IGLON5: variants seen among roughly 807,000 people sequenced by gnomAD.
IGLON5 encodes the protein IgLON family member 5, also known as Ig-like domain-containing protein ENSP00000270642.
IGLON5 carries 16 observed loss-of-function variants against 38.2 expected under a neutral mutation model. That is an observed-to-expected ratio of 0.42 (90% CI 0.28 to 0.64). The LOEUF (loss-of-function observed/expected upper bound fraction) is 0.64, where lower values mean the gene tolerates loss of function less well. Ranked by LOEUF, IGLON5 falls within the 30% of genes least tolerant of loss-of-function variation. IGLON5 has a pLI of 0.23. For synonymous variants in IGLON5, 207 were observed against 216.4 expected, an observed-to-expected ratio of 0.96 and a Z score of 0.38; for missense variants, 366 against 483.4, an observed-to-expected ratio of 0.76 and a Z score of 2.28.
chr19:51,314,158 A>C (rs1259469382), intron 1 of IGLON5, among the ~76,000 whole-genome samples: 6 of 139,764 alleles, frequency 4.3e-5, no homozygotes, highest in African/African-American at 1.1e-4. Context: ...TCTCTCTCTC[A>C]CTGCAACTTC....
At position 51,324,354 on chromosome 19, in the gene IGLON5, G is replaced by A. The variant is rs1245364830; in HGVS notation, c.391+460G>A. Among the ~76,000 whole-genome samples the A allele has an allele frequency of 2.0e-5, 3 of 152,214 alleles. No individual in the cohort carries two copies. The highest frequency in any genetic ancestry group is 7.2e-5 in the African/African-American group (3 of 41,452). On this transcript the variant is annotated intron_variant, in intron 3 of 7. Transcript: ENST00000270642. The surrounding 1 kb of genome is among the most constrained non-coding windows in gnomAD (Gnocchi z 4.2). ...TGTGCAGGGCCAGGCAAGAAGATGA[G>A]CCAAGTGTGCAAAGGGAAGTCTCAT...
In IGLON5 at chr19:51,323,821, C is replaced by T. The variant is rs368185748; in HGVS notation, c.318C>T (p.Asp106=). 1.4e-4 allele frequency: 226 copies of T among 1,613,726 alleles called. No homozygotes were observed. In the Middle Eastern group the frequency reaches 1.6e-3, roughly 12 times the overall value. The change falls in exon 3 of 8, where the codon GAC becomes GAT. Residue 106 remains aspartate, a synonymous_variant. Transcript: ENST00000270642. ...SILITEVGLG[D]EGLYTCSFQT... ...TCATCACCGAGGTGGGGCTCGGCGA[C>T]GAGGGCCTCTACACCTGCTCCTTCC...
Position 51,323,681 on chromosome 19 carries a change from G to A in IGLON5, c.178G>A (p.Val60Met), listed in dbSNP as rs1225797438. 7 of 1,610,976 alleles carry A rather than the reference G, an allele frequency of 4.3e-6. No homozygotes were observed. Among genetic ancestry groups the A allele is most frequent in the East Asian group, 2.2e-5 (1 of 44,780 alleles). Residue 60 changes from valine (V) to methionine (M), a missense_variant, in exon 3 of 8, where the codon GTG (valine) becomes ATG (methionine). Coordinates refer to ENST00000270642, the MANE Select transcript of IGLON5 (RefSeq NM_001101372.3). ...CTGCAGCTGCTTCATCGACGAGCAC[G>A]TGACCCGCGTGGCCTGGCTGAACCG... Reference protein sequence around the residue: ...ATLSCFIDEHVTRVAWLNRSN... With the variant: ...ATLSCFIDEHMTRVAWLNRSN...
At chr19:51,316,198 A>T (rs1305444147) in intron 1 of IGLON5, among the ~76,000 whole-genome samples, 2 of 134,934 alleles carry the variant, frequency 1.5e-5, no homozygotes, top group Non-Finnish European at 3.2e-5. Flanking sequence ...AAAAAAAAAA[A>T]GCCAGGCATG....
At chr19:51,328,129 C>T (rs1466883884) in intron 7 of IGLON5, among the ~76,000 whole-genome samples, 2 of 152,312 alleles carry the variant, frequency 1.3e-5, no homozygotes, top group African/African-American at 4.8e-5. Flanking sequence ...ATTCGCAGAG[C>T]TTATAGTCTA....
intron 4 of IGLON5, 30 bp from the exon 5 acceptor site, chr19:51,326,734 C>T (rs1985224821): frequency 3.9e-6 from 6 of 1,526,512 alleles, no homozygotes; most frequent in Middle Eastern, 2.3e-4. Flanking sequence ...TGTGTCCGGC[C>T]CCGCCCCCTC....
In IGLON5 at chr19:51,319,264, C is replaced by T. The variant is rs1308478767; in HGVS notation, c.80-2800C>T. 5.9e-5 allele frequency among the ~76,000 whole-genome samples: 9 copies of T among 151,822 alleles called. No homozygotes were observed. The South Asian group carries it at 1.9e-3, about 32-fold the overall frequency. ...ATGTGGCACTACCCGTCGTTCGGTCCAGGTTTTTGTTGGTGACTTTCCAAT... is the reference window on the plus strand; with the variant it reads ...ATGTGGCACTACCCGTCGTTCGGTCTAGGTTTTTGTTGGTGACTTTCCAAT... On this transcript the variant is annotated intron_variant, in intron 1 of 7. Transcript: ENST00000270642.
Position 51,327,803 on chromosome 19 carries a change from A to T in IGLON5, c.839A>T (p.Asn280Ile). 1.3e-6 allele frequency: 2 copies of T among 1,564,720 alleles called. No homozygotes were observed. The highest frequency in any genetic ancestry group is 2.4e-5 in the South Asian group (2 of 84,934). The change falls in exon 7 of 8, where the codon AAC becomes ATC. Residue 280 changes from asparagine to isoleucine, a missense_variant. By Grantham distance (149) the Asn-to-Ile change is moderately radical (BLOSUM62 -3). Transcript: ENST00000270642. This position sits in a 1 kb window ranked among gnomAD's most constrained non-coding sequence, Gnocchi z 7.1. Reference protein sequence around the residue: ...ERTRSMLLFANVSARHYGNYT... With the variant: ...ERTRSMLLFAIVSARHYGNYT... ...ACCCGCTCGATGCTTCTCTTTGCCA[A>T]CGTGAGCGCCCGGCATTACGGCAAC...
rs780661916 is a variant in IGLON5, at chr19:51,325,755, C to T, written c.511+290C>T. ...CCCCAGTGTCCCCGATGTCTCCCCA[C>T]GCGCTCACAGCATTCTCCTGGGCTG... On this transcript the variant is annotated intron_variant, in intron 4 of 7. Transcript: ENST00000270642. This position sits in a 1 kb window ranked among gnomAD's most constrained non-coding sequence, Gnocchi z 5.5. Among the ~76,000 whole-genome samples, 3 of 152,150 alleles carry T rather than the reference C, an allele frequency of 2.0e-5. No individual in the cohort carries two copies. Among genetic ancestry groups the T allele is most frequent in the Non-Finnish European group, 2.9e-5 (2 of 68,028 alleles).
At chr19:51,323,598 C>T in intron 2 of IGLON5, 64 bp from the exon 3 acceptor site, 2 of 1,423,692 alleles carry the variant, frequency 1.4e-6, no homozygotes, top group African/African-American at 1.4e-5. Flanking sequence ...CACCCACCCC[C>T]TCGGTGGGGG....
Position 51,327,285 on chromosome 19 carries a change from G to T in IGLON5, c.767+85G>T. 6.6e-7 allele frequency: 1 copy of T among 1,526,664 alleles called. No homozygotes were observed. The highest frequency in any genetic ancestry group is 8.8e-7 in the Non-Finnish European group (1 of 1,133,006). The allele number at this position is 1,526,664 out of a possible 1,614,324, so 94.6% of individuals were successfully genotyped here. ...TTGTGAGGCAGGGGGACGGAGCGGG[G>T]CGGGGGAAGGCAGCAGAGCTCTGGG... On this transcript the variant is annotated intron_variant, in intron 6 of 7. Transcript: ENST00000270642. This position sits in a 1 kb window ranked among gnomAD's most constrained non-coding sequence, Gnocchi z 7.1.
intron 3 of IGLON5, 60 bp downstream of exon 3, chr19:51,323,954 C>A: frequency 8.5e-7 from 1 of 1,172,498 alleles, no homozygotes; most frequent in Non-Finnish European, 1.2e-6. Context: ...GGAGACTAGG[C>A]ATGATGACAG....
chr19:51,318,269 G>C (rs1345435015), intron 1 of IGLON5, among the ~76,000 whole-genome samples: 1 of 152,192 alleles, frequency 6.6e-6, no homozygotes, highest in Admixed American at 6.5e-5. Context: ...GGTGGGCCAG[G>C]CCCAGTGTTG....
At chr19:51,312,064 CG>C in intron 1 of IGLON5, 138 bp downstream of exon 1, 2 of 386,234 alleles carry the variant, frequency 5.2e-6, no homozygotes, top group Non-Finnish European at 8.5e-6. Context: ...GGTCTGGGCC[CG>C]GGGGTGGGGT....
chr19:51,323,939 G>T (rs775166680), intron 3 of IGLON5, 45 bp downstream of exon 3: 15 of 1,370,696 alleles, frequency 1.1e-5, no homozygotes, highest in Non-Finnish European at 1.5e-5. Context: ...GGTTGAGAGC[G>T]TGGGGGAGAC....
At chr19:51,311,969 G>C (rs1486086570) in intron 1 of IGLON5, 43 bp downstream of exon 1, 1 of 1,117,190 alleles carries the variant, frequency 9.0e-7, no homozygotes, top group Non-Finnish European at 1.2e-6. Flanking sequence ...GGGACGCCAG[G>C]GTCTTGGGTG....
chr19:51,328,661 C>T lies in IGLON5; in HGVS notation c.923-10C>T, dbSNP rs1362826080. ...CAGGCCTCCCTCCATGACCCCTTCT[C>T]TTCCCCCAGGCCCAGGATCCCTGGA... is the stretch of plus-strand genomic sequence containing the variant. On this transcript the variant is annotated splice_polypyrimidine_tract_variant and intron_variant, in intron 7 of 7. Coordinates refer to ENST00000270642, the MANE Select transcript of IGLON5 (RefSeq NM_001101372.3). 6.4e-7 allele frequency: 1 copy of T among 1,552,850 alleles called. No individual in the cohort carries two copies. Among genetic ancestry groups the T allele is most frequent in the Non-Finnish European group, 8.7e-7 (1 of 1,148,568 alleles).
rs1303414519 is a variant in IGLON5 at position 51,328,679 on chromosome 19, T to A, written c.931T>A (p.Ser311Thr). Residue 311 changes from serine to threonine, a missense_variant, in exon 8 of 8, where the codon TCC becomes ACC. Coordinates refer to ENST00000270642, the MANE Select transcript of IGLON5 (RefSeq NM_001101372.3). ...CCCTTCTCTTCCCCCAGGCCCAGGA[T>A]CCCTGGAGAACTCAGCCCCGAGGCC... Reference protein sequence around the residue: ...SASMRLLRPGSLENSAPRPPG... With the variant: ...SASMRLLRPGTLENSAPRPPG... 9 of 1,580,624 alleles carry A rather than the reference T, an allele frequency of 5.7e-6. No individual in the cohort carries two copies. The highest frequency in any genetic ancestry group is 7.7e-6 in the Non-Finnish European group (9 of 1,163,156).
intron 1 of IGLON5, among the ~76,000 whole-genome samples, chr19:51,317,403 A>G (rs925812469): frequency 3.3e-5 from 5 of 152,208 alleles, no homozygotes; most frequent in Non-Finnish European, 1.5e-5. Flanking sequence ...TGAGGAAGGC[A>G]TGATTATCAT....
Sources: allele counts gnomAD v4.1 joint callset (sites outside exome capture counted in the v4.1 genomes callset), GRCh38; gene constraint gnomAD v4.1.1; non-coding constraint Gnocchi (gnomAD v3.1); transcripts MANE v1.5; gene names NCBI Gene and HGNC (gene_info 2026-07-23, HGNC 2026-07-21).